Variants in PLD5 observed in about 807,000 individuals in gnomAD.
The protein encoded by PLD5 is inactive phospholipase D5.
Under a neutral mutation model 61.1 loss-of-function variants are expected in PLD5, and 36 were observed. That is an observed-to-expected ratio of 0.59 (90% CI 0.45 to 0.78). The LOEUF is 0.78. PLD5 is among the 30% of genes least tolerant of loss of function. PLD5 has a pLI of 0.00. For missense variants in PLD5, 515 were observed against 644.4 expected (o/e 0.80, Z 2.17); for synonymous variants, 243 against 242.8 (o/e 1.00, Z -0.01).
At chr1:242,190,787 A>G (rs994736689) in intron 5 of PLD5, among the ~76,000 whole-genome samples, 2 of 152,194 alleles carry the variant, frequency 1.3e-5, no homozygotes, top group Non-Finnish European at 2.9e-5. Context: ...GTCTATTGTT[A>G]CAGAATCCAG....
intron 2 of PLD5, among the ~76,000 whole-genome samples, chr1:242,330,784 C>T (rs923547676): frequency 2.6e-5 from 4 of 152,144 alleles, no homozygotes; most frequent in African/African-American, 9.7e-5. Context: ...ACATCATCAC[C>T]TATCTCAATC....
At chr1:242,218,035 T>C (rs1670321765) in intron 5 of PLD5, among the ~76,000 whole-genome samples, 1 of 152,242 alleles carries the variant, frequency 6.6e-6, no homozygotes, top group African/African-American at 2.4e-5. Flanking sequence ...GTGGATAAAA[T>C]GCTTTTAAAC....
chr1:242,255,766 A>G (rs575672920), intron 4 of PLD5, among the ~76,000 whole-genome samples: 2 of 152,252 alleles, frequency 1.3e-5, no homozygotes, highest in Admixed American at 1.3e-4. Context: ...CACATTTAGA[A>G]TTCAACAGAA....
At chr1:242,414,441 T>G (rs568602477) in intron 1 of PLD5, among the ~76,000 whole-genome samples, 38 of 152,196 alleles carry the variant, frequency 2.5e-4, no homozygotes, top group Middle Eastern at 3.4e-3. Flanking sequence ...GTCAAATACA[T>G]GAATAATTTT....
At chr1:242,281,071 T>C (rs924538001) in intron 3 of PLD5, among the ~76,000 whole-genome samples, 1 of 152,138 alleles carries the variant, frequency 6.6e-6, no homozygotes, top group Non-Finnish European at 1.5e-5. Context: ...CAGGGGGCCA[T>C]AGAGGACTCC....
At chr1:242,345,504 G>C in intron 2 of PLD5, 1 of 764,402 alleles carries the variant, frequency 1.3e-6, no homozygotes, top group Non-Finnish European at 2.4e-6. Context: ...ACATTGGCAA[G>C]GGATGAGATG....
chr1:242,207,947 T>TATTTTTATATATATTTATATAC (rs1669531093), intron 5 of PLD5, among the ~76,000 whole-genome samples: 3 of 58,152 alleles, frequency 5.2e-5, no homozygotes, highest in Admixed American at 3.4e-4. Context: ...TATTTATATA[T>TATTTTTATATATATTTATATAC]ATTTATTTAT....
chr1:242,218,163 C>T (rs189110992), intron 5 of PLD5, among the ~76,000 whole-genome samples: 18 of 152,264 alleles, frequency 1.2e-4, no homozygotes, highest in African/African-American at 4.3e-4. Context: ...CAATCACCAC[C>T]CTGATCAGTA....
Position 242,089,458 on chromosome 1 carries a change from C to A in PLD5, c.*396G>T. The A allele has an allele frequency of 7.0e-6, 3 of 426,636 alleles. No individual in the cohort carries two copies. The highest frequency in any genetic ancestry group is 9.0e-5 in the South Asian group (1 of 11,120). 26.4% of individuals were successfully genotyped at this position (426,636 alleles called of 1,614,324 possible). A position where few individuals can be genotyped will look rare whatever the true frequency, so the allele number is the denominator to read the frequency against. On this transcript the variant is annotated 3_prime_UTR_variant, in exon 10 of 10. Coordinates refer to ENST00000536534, the MANE Select transcript of PLD5 (RefSeq NM_001372062.1). ...TCAGTCTCTTCTCCAAGGCAAAATC[C>A]TCACCTTCCTCTCTAAATCAACAGT... is the stretch of plus-strand genomic sequence containing the variant.
At chr1:242,420,221 G>A (rs1257000262) in intron 1 of PLD5, among the ~76,000 whole-genome samples, 1 of 152,104 alleles carries the variant, frequency 6.6e-6, no homozygotes, top group Non-Finnish European at 1.5e-5. Flanking sequence ...TAAGAAAACT[G>A]AGATTTAAAA....
Position 242,087,746 on chromosome 1 carries a change from G to C in PLD5, c.*2108C>G, listed in dbSNP as rs1659540742. 6.6e-6 allele frequency: 1 copy of C among 152,174 alleles called. No individual in the cohort carries two copies. The highest frequency in any genetic ancestry group is 1.5e-5 in the Non-Finnish European group (1 of 68,018). 9.4% of individuals were successfully genotyped at this position (152,174 alleles called of 1,614,324 possible). On this transcript the variant is annotated 3_prime_UTR_variant, in exon 10 of 10. Transcript: ENST00000536534. ...AGGCGTGAGCCACCGCACCCAGGCT[G>C]CTTTCTTTTTAAAATCATCACCAAA... is the stretch of plus-strand genomic sequence containing the variant.
At chr1:242,197,856 A>T (rs12094637) in intron 5 of PLD5, among the ~76,000 whole-genome samples, 1 of 151,804 alleles carries the variant, frequency 6.6e-6, no homozygotes, top group Non-Finnish European at 1.5e-5. Flanking sequence ...CTGGTCTCGA[A>T]CTCCTGACCT....
intron 9 of PLD5, among the ~76,000 whole-genome samples, chr1:242,092,047 C>T (rs1239017062): frequency 2.0e-5 from 3 of 151,946 alleles, no homozygotes; most frequent in South Asian, 2.1e-4. Context: ...AGGCTGGTCT[C>T]GAACTCCTGA....
chr1:242,481,149 T>C (rs1667760949), intron 1 of PLD5, among the ~76,000 whole-genome samples: 1 of 152,120 alleles, frequency 6.6e-6, no homozygotes, highest in African/African-American at 2.4e-5. Flanking sequence ...AGAAGACGAA[T>C]GATTTCTGCA....
At chr1:242,289,065 A>G (rs185516301) in intron 2 of PLD5, among the ~76,000 whole-genome samples, 142 of 152,328 alleles carry the variant, frequency 9.3e-4, no homozygotes, top group Middle Eastern at 3.4e-3. Flanking sequence ...TGAGAAGAAA[A>G]TTATAAAACC....
intron 1 of PLD5, among the ~76,000 whole-genome samples, chr1:242,487,101 A>G (rs1027662960): frequency 6.6e-6 from 1 of 152,142 alleles, no homozygotes; most frequent in African/African-American, 2.4e-5. Context: ...TAGGAGATAT[A>G]CTTAATGTTA....
At chr1:242,180,113 G>A (rs12088707) in intron 5 of PLD5, among the ~76,000 whole-genome samples, 11,367 of 152,192 alleles carry the variant, frequency 0.075, 477 homozygotes, top group Middle Eastern at 0.15. Context: ...ACAGGCGTTG[G>A]GATCAGGCTG....
chr1:242,278,717 G>A (rs1382836437), intron 3 of PLD5, among the ~76,000 whole-genome samples: 2 of 152,170 alleles, frequency 1.3e-5, no homozygotes, highest in South Asian at 2.1e-4. Context: ...TGAGCTCTAT[G>A]GAGGTAGCGA....
chr1:242,199,748 T>C (rs1404205228), intron 5 of PLD5, among the ~76,000 whole-genome samples: 1 of 152,188 alleles, frequency 6.6e-6, no homozygotes, highest in Non-Finnish European at 1.5e-5. Flanking sequence ...CTCCCACTTA[T>C]GAGTGAGAAC....
Sources: gnomAD v4.1 joint callset for allele counts (sites outside exome capture counted in the v4.1 genomes callset) on GRCh38, gnomAD v4.1.1 for gene constraint, MANE v1.5 for transcripts, NCBI Gene and HGNC (gene_info 2026-07-23, HGNC 2026-07-21) for gene names.